Variants in ADGRV1 observed in about 807,000 individuals in gnomAD.
The protein encoded by ADGRV1 is G-protein coupled receptor 98.
ADGRV1 carries 359 observed loss-of-function variants against 596.2 expected under a neutral mutation model. That is an observed-to-expected ratio of 0.60 (90% CI 0.55 to 0.66). The LOEUF (loss-of-function observed/expected upper bound fraction) is 0.66, where lower values mean the gene tolerates loss of function less well. ADGRV1 is among the 30% of genes least tolerant of loss of function. ADGRV1 has a pLI of 0.00. For synonymous variants in ADGRV1, 2,681 were observed against 2,679.2 expected (o/e 1.00, Z -0.02); for missense variants, 7,274 against 7,575.6 (o/e 0.96, Z 1.48).
chr5:90,927,486 A>G (rs956079442), intron 83 of ADGRV1, among the ~76,000 whole-genome samples: 6 of 152,280 alleles, frequency 3.9e-5, no homozygotes, highest in East Asian at 3.9e-4. Flanking sequence ...CCATTTGCTT[A>G]GTAGATCTTC....
intron 50 of ADGRV1, among the ~76,000 whole-genome samples, chr5:90,736,328 G>T (rs1753213635): frequency 6.6e-6 from 1 of 151,986 alleles, no homozygotes; most frequent in South Asian, 2.1e-4. Context: ...AATCCCACTT[G>T]ATCATGGTGA....
intron 84 of ADGRV1, among the ~76,000 whole-genome samples, chr5:90,971,828 C>T (rs539768468): frequency 1.3e-5 from 2 of 152,312 alleles, no homozygotes; most frequent in South Asian, 4.1e-4. Context: ...ATCATAATGA[C>T]AGGATCAGAT....
chr5:90,851,134 T>TGTGTGTGTGTGA (rs757909771), intron 79 of ADGRV1, among the ~76,000 whole-genome samples: 38 of 81,512 alleles, frequency 4.7e-4, no homozygotes, highest in East Asian at 3.4e-3. Context: ...TGTGTGTGTG[T>TGTGTGTGTGTGA]GAGAGAGAGA....
rs1409882844 is a variant in ADGRV1 at position 90,564,154 on chromosome 5, A to G, written c.22+5237A>G. Among the ~76,000 whole-genome samples the G allele has an allele frequency of 2.0e-5, 3 of 152,246 alleles. No individual in the cohort carries two copies. In the East Asian group the frequency reaches 5.8e-4, roughly 29 times the overall value. On this transcript the variant is annotated intron_variant, in intron 1 of 89. Transcript: ENST00000405460. Reference sequence around the variant, plus strand: ...AAGTGATCAGTATAATTTTGAGAACATATGTGAAAGAATTGATTTTCATTT... The same window carrying G: ...AAGTGATCAGTATAATTTTGAGAACGTATGTGAAAGAATTGATTTTCATTT...
chr5:91,077,019 A>C (rs1788920597), intron 86 of ADGRV1, among the ~76,000 whole-genome samples: 1 of 152,056 alleles, frequency 6.6e-6, no homozygotes, highest in Admixed American at 6.6e-5. Flanking sequence ...AGCACTTGAC[A>C]CTCTCTTTGA....
chr5:90,781,676 G>T, intron 65 of ADGRV1, 98 bp downstream of exon 65: 2 of 1,150,704 alleles, frequency 1.7e-6, no homozygotes, highest in South Asian at 1.6e-5. Context: ...TTTGGTGTGG[G>T]TGTGTGTGTT....
chr5:90,705,722 C>A, intron 37 of ADGRV1, 143 bp downstream of exon 37: 2 of 645,526 alleles, frequency 3.1e-6, no homozygotes, highest in Non-Finnish European at 5.2e-6. Context: ...TTTATAACTT[C>A]TTTATCTTTG....
intron 1 of ADGRV1, among the ~76,000 whole-genome samples, chr5:90,596,361 A>C (rs1453429937): frequency 6.6e-6 from 1 of 151,496 alleles, no homozygotes. Flanking sequence ...GGCCAGGCAG[A>C]GACGCTCCTC....
At chr5:90,672,777 G>A (rs1337273213) in intron 22 of ADGRV1, 55 bp downstream of exon 22, 2 of 1,314,666 alleles carry the variant, frequency 1.5e-6, no homozygotes, top group African/African-American at 1.5e-5. Flanking sequence ...TTTTCCTGAA[G>A]TGTTTGTTCT....
At position 90,675,547 on chromosome 5, in the gene ADGRV1, G is replaced by A. The variant is rs1310140070; in HGVS notation, c.5313+102G>A. 8 of 1,153,140 alleles carry A rather than the reference G, an allele frequency of 6.9e-6. No homozygotes were observed. In the East Asian group the frequency reaches 1.8e-4, roughly 26 times the overall value. The allele number at this position is 1,153,140 out of a possible 1,614,324, so 71.4% of individuals were successfully genotyped here. On this transcript the variant is annotated intron_variant, in intron 24 of 89. Coordinates refer to ENST00000405460, the MANE Select transcript of ADGRV1 (RefSeq NM_032119.4). ...CTGTACCTGGAACATAGTGACTCACGCCTGTAATCCTAGCACTTTGGGAGG... is the reference window on the plus strand; with the variant it reads ...CTGTACCTGGAACATAGTGACTCACACCTGTAATCCTAGCACTTTGGGAGG...
intron 83 of ADGRV1, among the ~76,000 whole-genome samples, chr5:90,868,811 A>C (rs1254395333): frequency 6.6e-6 from 1 of 152,070 alleles, no homozygotes; most frequent in Non-Finnish European, 1.5e-5. Flanking sequence ...AATTTATTAA[A>C]CTATTTGACT....
intron 67 of ADGRV1, 58 bp from the exon 68 acceptor site, chr5:90,788,013 T>C: frequency 7.5e-7 from 1 of 1,332,332 alleles, no homozygotes; most frequent in South Asian, 2.0e-5. Flanking sequence ...CCTGAAATAG[T>C]TTTTTGCTTA....
intron 50 of ADGRV1, among the ~76,000 whole-genome samples, chr5:90,739,602 A>G (rs1024779157): frequency 5.9e-5 from 9 of 152,194 alleles, no homozygotes; most frequent in African/African-American, 2.2e-4. Context: ...ATCCAGTGAC[A>G]TCTCTGGTTG....
chr5:90,818,596 C>T (rs1304103499), intron 75 of ADGRV1, among the ~76,000 whole-genome samples: 1 of 151,330 alleles, frequency 6.6e-6, no homozygotes, highest in African/African-American at 2.4e-5. Context: ...CCCATCAATA[C>T]CTAATTTATT....
At position 90,685,900 on chromosome 5, in the gene ADGRV1, A is replaced by G; in HGVS notation, c.6395A>G (p.Asn2132Ser). ...GCACCAATTGTCCGAGTGGCAGAAA[A>G]TCATGTTGGACCCATTATCAATGTG... ...LSAPIVRVAE[N>S]HVGPIINVTR... Residue 2132 changes from asparagine to serine, a missense_variant, in exon 29 of 90, where the codon AAT (asparagine) becomes AGT (serine). Around this residue, in one of 5 missense-constraint regions of ADGRV1, gnomAD observed 3,643 missense variants for 3,809.2 expected, o/e 0.96. Coordinates refer to ENST00000405460, the MANE Select transcript of ADGRV1 (RefSeq NM_032119.4). The G allele has an allele frequency of 6.2e-7, 1 of 1,612,194 alleles. No individual in the cohort carries two copies. Among genetic ancestry groups the G allele is most frequent in the South Asian group, 1.1e-5 (1 of 90,826 alleles).
intron 81 of ADGRV1, 104 bp from the exon 82 acceptor site, chr5:90,855,637 A>G (rs1466971284): frequency 1.3e-6 from 1 of 747,388 alleles, no homozygotes; most frequent in Non-Finnish European, 2.2e-6. Context: ...TTAAGTCTTG[A>G]GCAAAGAACA....
chr5:90,970,092 C>T (rs948086396), intron 84 of ADGRV1, among the ~76,000 whole-genome samples: 4 of 152,206 alleles, frequency 2.6e-5, no homozygotes, highest in African/African-American at 7.2e-5. Context: ...GTGCCTGGCT[C>T]GGAGGGTCCC....
intron 27 of ADGRV1, among the ~76,000 whole-genome samples, chr5:90,682,025 C>T (rs562660467): frequency 8.1e-4 from 123 of 152,188 alleles, no homozygotes; most frequent in African/African-American, 2.9e-3. Context: ...CACCACCACG[C>T]CCGGCTAATT....
chr5:90,961,350 A>G (rs1777994482), intron 83 of ADGRV1, among the ~76,000 whole-genome samples: 1 of 151,828 alleles, frequency 6.6e-6, no homozygotes, highest in Admixed American at 6.6e-5. Flanking sequence ...AATACAAAAA[A>G]TGGTGGCACG....
Sources: gnomAD v4.1 joint callset for allele counts (sites outside exome capture counted in the v4.1 genomes callset) on GRCh38, gnomAD v4.1.1 for gene constraint, gnomAD v4.1.1 regional missense constraint, MANE v1.5 for transcripts, NCBI Gene and HGNC (gene_info 2026-07-23, HGNC 2026-07-21) for gene names.